NRG1: variants seen among roughly 807,000 people sequenced by gnomAD.
NRG1 encodes the protein neuregulin 1, also known as pro-neuregulin-1, membrane-bound isoform.
In NRG1, 18 loss-of-function variants were observed where a neutral mutation model predicts 63.8. That is an observed-to-expected ratio of 0.28 (90% CI 0.19 to 0.42). NRG1 has a LOEUF of 0.42. NRG1 is among the 10% of genes least tolerant of loss of function. The pLI is 1.00. For missense variants in NRG1, 762 were observed against 814.7 expected (o/e 0.94, Z 0.79); for synonymous variants, 302 against 301.3 (o/e 1.00, Z -0.02).
chr8:31,698,533 C>G (rs370946088), intron 1 of NRG1, among the ~76,000 whole-genome samples: 1 of 152,192 alleles, frequency 6.6e-6, no homozygotes, highest in Non-Finnish European at 1.5e-5. Context: ...TTTATATCTT[C>G]AAATCATCTT....
intron 1 of NRG1, among the ~76,000 whole-genome samples, chr8:31,689,409 A>G (rs1245690164): frequency 6.6e-6 from 1 of 152,214 alleles, no homozygotes; most frequent in African/African-American, 2.4e-5. Flanking sequence ...ATAATTTAGT[A>G]CATTATTATT....
chr8:32,566,288 G>C (rs35190404), intron 1 of NRG1, among the ~76,000 whole-genome samples: 30,027 of 144,232 alleles, frequency 0.21, 3,716 homozygotes, highest in Admixed American at 0.33. Flanking sequence ...ACCTGGGAGG[G>C]GGAGGTTGCA....
intron 1 of NRG1, among the ~76,000 whole-genome samples, chr8:32,404,646 A>T (rs1813708614): frequency 7.3e-6 from 1 of 137,504 alleles, no homozygotes; most frequent in Admixed American, 8.0e-5. Flanking sequence ...GTGCAGTGGC[A>T]TGATCTCAGC....
intron 1 of NRG1, among the ~76,000 whole-genome samples, chr8:32,353,492 A>G (rs1440682423): frequency 6.6e-6 from 1 of 152,132 alleles, no homozygotes; most frequent in Non-Finnish European, 1.5e-5. Flanking sequence ...TAAAGAAGAT[A>G]AAGAAAAATG....
chr8:32,137,163 T>A (rs1835641599), intron 1 of NRG1, among the ~76,000 whole-genome samples: 1 of 152,144 alleles, frequency 6.6e-6, no homozygotes, highest in South Asian at 2.1e-4. Flanking sequence ...AAAGACATTA[T>A]GGCCTGGCAT....
intron 1 of NRG1, among the ~76,000 whole-genome samples, chr8:32,452,682 A>G (rs1264763881): frequency 1.0e-5 from 1 of 99,000 alleles, no homozygotes; most frequent in African/African-American, 3.5e-5. Flanking sequence ...ATGGAAAAAC[A>G]GAAGTATAGA....
At chr8:32,177,429 GTAAC>G (rs1396999596) in intron 1 of NRG1, among the ~76,000 whole-genome samples, 1 of 151,964 alleles carries the variant, frequency 6.6e-6, no homozygotes, top group East Asian at 1.9e-4. Context: ...GTATACATAT[GTAAC>G]TAACCTGCAT....
rs150137802 is a variant in NRG1 at position 32,513,830 on chromosome 8, G to A, written c.38-81998G>A. On this transcript the variant is annotated intron_variant, in intron 1 of 10. Coordinates refer to the NRG1 transcript ENST00000519301. ...TCAAATTTTATGTTTAGGTAGAATA[G>A]GGAAGTATTGGTTTTGCAGTTTTAC... 5.7e-3 allele frequency among the ~76,000 whole-genome samples: 869 copies of A among 152,170 alleles called. 3 individuals carry two copies. The highest frequency in any genetic ancestry group is 0.019 in the African/African-American group (792 of 41,534).
chr8:31,857,118 C>T lies in NRG1; in HGVS notation c.37+217687C>T, dbSNP rs1179075084. On this transcript the variant is annotated intron_variant, in intron 1 of 10. Coordinates refer to the NRG1 transcript ENST00000519301. ...GGAGCCTACAGAGGCAGGCAGGCCT[C>T]CTTGAGCTGTGGTGGGCTCCACCCA... 6.6e-5 allele frequency among the ~76,000 whole-genome samples: 10 copies of T among 152,240 alleles called. No homozygotes were observed. The East Asian group carries it at 1.3e-3, about 21-fold the overall frequency.
intron 1 of NRG1, among the ~76,000 whole-genome samples, chr8:31,987,184 C>G (rs1810208381): frequency 6.6e-6 from 1 of 151,418 alleles, no homozygotes; most frequent in Non-Finnish European, 1.5e-5. Context: ...CTTGTAGTCC[C>G]AGCTACTTGG....
chr8:32,641,152 CAT>C (rs35696837), intron 5 of NRG1, among the ~76,000 whole-genome samples: 6 of 147,562 alleles, frequency 4.1e-5, no homozygotes, highest in Non-Finnish European at 9.0e-5. Context: ...TAAATATATA[CAT>C]ATATATATAT....
At chr8:31,639,926 C>A in intron 1 of NRG1, 1 of 1,116,630 alleles carries the variant, frequency 9.0e-7, no homozygotes, top group Non-Finnish European at 1.1e-6. Flanking sequence ...AGGGAGGCAG[C>A]GCGAGAGAGC....
chr8:31,665,950 G>A (rs1177638545), intron 1 of NRG1, among the ~76,000 whole-genome samples: 3 of 152,192 alleles, frequency 2.0e-5, no homozygotes, highest in Non-Finnish European at 2.9e-5. Context: ...TTTTCTTATC[G>A]TCTTTTTGCC....
At chr8:31,912,567 T>C (rs1023704543) in intron 1 of NRG1, among the ~76,000 whole-genome samples, 10 of 26,386 alleles carry the variant, frequency 3.8e-4, no homozygotes, top group South Asian at 1.8e-3. Flanking sequence ...TTAGAAATGC[T>C]TTTTTTTTTT....
chr8:32,567,304 A>G (rs1390579529), intron 1 of NRG1, among the ~76,000 whole-genome samples: 1 of 152,212 alleles, frequency 6.6e-6, no homozygotes, highest in African/African-American at 2.4e-5. Context: ...AAATATCTCA[A>G]TGAAATGGGG....
At chr8:32,267,015 C>G (rs1028091871) in intron 1 of NRG1, among the ~76,000 whole-genome samples, 1 of 151,066 alleles carries the variant, frequency 6.6e-6, no homozygotes, top group Non-Finnish European at 1.5e-5. Context: ...CGCCACTGCA[C>G]TCCAGCCTGG....
chr8:32,218,939 C>G (rs1187816707), intron 1 of NRG1, among the ~76,000 whole-genome samples: 3 of 152,146 alleles, frequency 2.0e-5, no homozygotes, highest in Non-Finnish European at 2.9e-5. Context: ...ACTACAGATT[C>G]AGAATCACAG....
intron 1 of NRG1, among the ~76,000 whole-genome samples, chr8:31,779,791 T>G (rs1051573748): frequency 6.6e-6 from 1 of 152,218 alleles, no homozygotes; most frequent in Non-Finnish European, 1.5e-5. Flanking sequence ...TTATTAAACA[T>G]CTCAGTTTTC....
chr8:32,330,018 A>C (rs1480972303), intron 1 of NRG1, among the ~76,000 whole-genome samples: 1 of 138,220 alleles, frequency 7.2e-6, no homozygotes, highest in East Asian at 2.3e-4. Context: ...AACTACAGGC[A>C]TGTGCCTCCA....
Sources: gnomAD v4.1 joint callset for allele counts (sites outside exome capture counted in the v4.1 genomes callset) on GRCh38, gnomAD v4.1.1 for gene constraint, MANE v1.5 for transcripts, NCBI Gene and HGNC (gene_info 2026-07-23, HGNC 2026-07-21) for gene names.